Variants in GRM8 observed in about 807,000 individuals in gnomAD.
GRM8 encodes glutamate metabotropic receptor 8.
GRM8 carries 47 observed loss-of-function variants against 87.2 expected under a neutral mutation model. That is an observed-to-expected ratio of 0.54 (90% CI 0.43 to 0.69). The LOEUF (loss-of-function observed/expected upper bound fraction) is 0.69, where lower values mean the gene tolerates loss of function less well. Ranked by LOEUF, GRM8 falls within the 30% of genes least tolerant of loss-of-function variation. The pLI is 0.00. For missense variants in GRM8, 1,019 were observed against 1,139.2 expected, an observed-to-expected ratio of 0.89 and a Z score of 1.52; for synonymous variants, 396 against 404.5, an observed-to-expected ratio of 0.98 and a Z score of 0.25.
chr7:126,896,582 G>C (rs563748932), intron 6 of GRM8, among the ~76,000 whole-genome samples: 1 of 152,190 alleles, frequency 6.6e-6, no homozygotes, highest in African/African-American at 2.4e-5. Context: ...ATTGCTGAGA[G>C]GTAGTTATAA....
intron 2 of GRM8, among the ~76,000 whole-genome samples, chr7:127,138,091 C>T (rs1265147660): frequency 6.6e-6 from 1 of 152,118 alleles, no homozygotes; most frequent in Non-Finnish European, 1.5e-5. Context: ...CAAGCAGCAC[C>T]TGCAATTCCC....
At chr7:127,053,798 A>AAGGGG (rs1554580043) in intron 3 of GRM8, among the ~76,000 whole-genome samples, 1 of 104,428 alleles carries the variant, frequency 9.6e-6, no homozygotes, top group Non-Finnish European at 1.8e-5. Flanking sequence ...AAAAAAAAAA[A>AAGGGG]GGGGGGGGGG....
intron 8 of GRM8, among the ~76,000 whole-genome samples, chr7:126,536,006 ATGT>A (rs938675760): frequency 3.3e-5 from 5 of 152,220 alleles, no homozygotes; most frequent in Non-Finnish European, 7.3e-5. Context: ...ATTTACGGAA[ATGT>A]TGTGAGATGA....
At chr7:126,997,188 T>C (rs1813257143) in intron 3 of GRM8, among the ~76,000 whole-genome samples, 2 of 150,642 alleles carry the variant, frequency 1.3e-5, no homozygotes, top group African/African-American at 4.9e-5. Flanking sequence ...CATATGCTCC[T>C]GAATGACCAG....
intron 3 of GRM8, among the ~76,000 whole-genome samples, chr7:127,026,460 C>T (rs1816791996): frequency 6.6e-6 from 1 of 152,144 alleles, no homozygotes; most frequent in East Asian, 1.9e-4. Context: ...TTTACACTCC[C>T]ACCAACAGTG....
chr7:127,164,764 C>A (rs1229102315), intron 2 of GRM8, among the ~76,000 whole-genome samples: 1 of 151,996 alleles, frequency 6.6e-6, no homozygotes, highest in Non-Finnish European at 1.5e-5. Flanking sequence ...CTTGTTTCAC[C>A]TCTCCTTTAA....
At chr7:127,024,891 T>C (rs941310104) in intron 3 of GRM8, among the ~76,000 whole-genome samples, 5 of 152,184 alleles carry the variant, frequency 3.3e-5, no homozygotes, top group African/African-American at 1.2e-4. Flanking sequence ...TCCACTGCCC[T>C]GCCCTTCATA....
chr7:126,996,492 A>G (rs1390075753), intron 3 of GRM8, among the ~76,000 whole-genome samples: 1 of 152,036 alleles, frequency 6.6e-6, no homozygotes, highest in Non-Finnish European at 1.5e-5. Flanking sequence ...CTGTAATCAA[A>G]AAGCATAGAA....
chr7:127,011,275 G>A (rs1814866595), intron 3 of GRM8, among the ~76,000 whole-genome samples: 1 of 152,086 alleles, frequency 6.6e-6, no homozygotes, highest in Admixed American at 6.6e-5. Flanking sequence ...CCCAGAAAAA[G>A]TAGTCAACAT....
chr7:126,964,831 A>C (rs777249727), intron 3 of GRM8, among the ~76,000 whole-genome samples: 2 of 152,220 alleles, frequency 1.3e-5, no homozygotes, highest in African/African-American at 2.4e-5. Flanking sequence ...ACGATTATAA[A>C]TCATTCTACT....
intron 1 of GRM8, among the ~76,000 whole-genome samples, chr7:127,244,089 T>C (rs1342425559): frequency 6.6e-6 from 1 of 152,092 alleles, no homozygotes; most frequent in Non-Finnish European, 1.5e-5. Context: ...AAAATTAACA[T>C]AGAAAGTCAG....
intron 8 of GRM8, among the ~76,000 whole-genome samples, chr7:126,535,928 A>G (rs1176787869): frequency 1.3e-5 from 2 of 152,204 alleles, no homozygotes; most frequent in African/African-American, 4.8e-5. Flanking sequence ...TCTGAATGAC[A>G]TCTTGAATAC....
At position 126,596,717 on chromosome 7, in the gene GRM8, A is replaced by G. The variant is rs1797234890; in HGVS notation, c.1494+12645T>C. ...AACAAAATAGCAGAGAGCTAAATAC[A>G]TAGTATAAGCATATGCACTCACACA... On this transcript the variant is annotated intron_variant, in intron 8 of 10. Transcript: ENST00000339582. Among the ~76,000 whole-genome samples, 3 of 152,186 alleles carry G rather than the reference A, an allele frequency of 2.0e-5. No individual in the cohort carries two copies. The South Asian group carries it at 6.2e-4, about 32-fold the overall frequency.
At chr7:126,520,733 AAG>A (rs1225344168) in intron 9 of GRM8, among the ~76,000 whole-genome samples, 2 of 152,114 alleles carry the variant, frequency 1.3e-5, no homozygotes, top group East Asian at 1.9e-4. Flanking sequence ...ATAAAATAAT[AAG>A]AGAGGTGGAA....
intron 2 of GRM8, among the ~76,000 whole-genome samples, chr7:127,119,500 T>A (rs17863219): frequency 1.1e-3 from 151 of 138,756 alleles, no homozygotes; most frequent in East Asian, 8.7e-3. Flanking sequence ...TCTCTCTCTC[T>A]CACACACACA....
At chr7:126,837,276 C>T (rs557450500) in intron 6 of GRM8, among the ~76,000 whole-genome samples, 3 of 152,178 alleles carry the variant, frequency 2.0e-5, no homozygotes, top group East Asian at 1.9e-4. Context: ...TCAAAATCTT[C>T]GTTAAGACTA....
intron 9 of GRM8, among the ~76,000 whole-genome samples, chr7:126,492,610 G>A (rs553195146): frequency 6.6e-6 from 1 of 151,886 alleles, no homozygotes; most frequent in East Asian, 2.0e-4. Flanking sequence ...AATATAGTTG[G>A]GTCACAGTAA....
intron 3 of GRM8, among the ~76,000 whole-genome samples, chr7:127,040,966 T>G (rs1360822576): frequency 6.6e-6 from 1 of 152,234 alleles, no homozygotes; most frequent in Non-Finnish European, 1.5e-5. Flanking sequence ...TCCTTGCATC[T>G]CCAATATGTA....
chr7:127,189,402 T>C (rs1794903577), intron 2 of GRM8, among the ~76,000 whole-genome samples: 1 of 152,182 alleles, frequency 6.6e-6, no homozygotes, highest in Non-Finnish European at 1.5e-5. Context: ...CAGAATTCTC[T>C]CATTGCCCTG....
Sources: gnomAD v4.1 joint callset for allele counts (sites outside exome capture counted in the v4.1 genomes callset) on GRCh38, gnomAD v4.1.1 for gene constraint, MANE v1.5 for transcripts, NCBI Gene and HGNC (gene_info 2026-07-23, HGNC 2026-07-21) for gene names.